LARGE1: variants seen among roughly 807,000 people sequenced by gnomAD.
LARGE1 encodes LARGE xylosyl- and glucuronyltransferase 1, also known as xylosyl- and glucuronyltransferase LARGE1.
LARGE1 carries 43 observed loss-of-function variants against 87.6 expected under a neutral mutation model. The ratio of observed to expected loss-of-function variants is 0.49; its 90% CI spans 0.38 to 0.63. The LOEUF is 0.63. Ranked by LOEUF, LARGE1 falls within the 30% of genes least tolerant of loss-of-function variation. The pLI is 0.00. For synonymous variants in LARGE1, 434 were observed against 394.6 expected (o/e 1.10, Z -1.18); for missense variants, 802 against 1,000.2 (o/e 0.80, Z 2.67).
chr22:33,441,202 T>C (rs769457730), intron 6 of LARGE1, among the ~76,000 whole-genome samples: 1 of 150,650 alleles, frequency 6.6e-6, no homozygotes, highest in South Asian at 2.1e-4. Context: ...GCCTCCCGAG[T>C]AGCTGGGATT....
chr22:33,851,532 T>C (rs942536529), intron 1 of LARGE1, among the ~76,000 whole-genome samples: 2 of 152,208 alleles, frequency 1.3e-5, no homozygotes, highest in African/African-American at 4.8e-5. Context: ...CAGTGATGCC[T>C]AGGACAAAGT....
At chr22:33,657,996 A>G (rs2149216271) in intron 2 of LARGE1, among the ~76,000 whole-genome samples, 1 of 152,130 alleles carries the variant, frequency 6.6e-6, no homozygotes, top group African/African-American at 2.4e-5. Context: ...TCCCAGCAAC[A>G]ATGGCAGAGG....
chr22:33,269,359 T>C (rs1238904030), downstream of LARGE1, among the ~76,000 whole-genome samples: 1 of 152,220 alleles, frequency 6.6e-6, no homozygotes, highest in Non-Finnish European at 1.5e-5. Context: ...GCATTATCTG[T>C]TTACTTTTCT....
the LARGE1 span, among the ~76,000 whole-genome samples, chr22:33,127,627 T>C: frequency 5.9e-5 from 9 of 152,148 alleles, no homozygotes; most frequent in Admixed American, 5.9e-4. Context: ...TAAACAAACT[T>C]AAAGTACAAC....
At chr22:33,208,611 T>C (rs182363381) in intron 11 of LARGE1, among the ~76,000 whole-genome samples, 1 of 152,004 alleles carries the variant, frequency 6.6e-6, no homozygotes, top group African/African-American at 2.4e-5. Flanking sequence ...CTGGGGTACA[T>C]GTGCAGAATG....
chr22:33,740,300 C>T (rs908450882), intron 2 of LARGE1, among the ~76,000 whole-genome samples: 1 of 152,200 alleles, frequency 6.6e-6, no homozygotes, highest in African/African-American at 2.4e-5. Flanking sequence ...CACCGGCATA[C>T]ATACTTCTAT....
At chr22:33,282,604 G>A (rs1036224560) in intron 13 of LARGE1, among the ~76,000 whole-genome samples, 2 of 152,122 alleles carry the variant, frequency 1.3e-5, no homozygotes. Context: ...AGGACTCGGG[G>A]GCCTGGGAAA....
intron 1 of LARGE1, among the ~76,000 whole-genome samples, chr22:33,775,315 T>C (rs1040175139): frequency 6.6e-6 from 1 of 152,222 alleles, no homozygotes; most frequent in Non-Finnish European, 1.5e-5. Context: ...CGACCTGACC[T>C]TTCCAGCTTC....
At chr22:33,631,286 G>T (rs2080104552) in intron 3 of LARGE1, among the ~76,000 whole-genome samples, 1 of 152,132 alleles carries the variant, frequency 6.6e-6, no homozygotes, top group Admixed American at 6.5e-5. Context: ...TCCCGTCTCA[G>T]CTTCCAGAGT....
At chr22:33,297,536 C>T (rs1382049695) in intron 12 of LARGE1, among the ~76,000 whole-genome samples, 1 of 150,738 alleles carries the variant, frequency 6.6e-6, no homozygotes, top group Non-Finnish European at 1.5e-5. Context: ...TTGCTTGAAC[C>T]TGAGGGGCAG....
chr22:33,472,778 A>T (rs762381248), intron 6 of LARGE1, among the ~76,000 whole-genome samples: 2 of 152,184 alleles, frequency 1.3e-5, no homozygotes, highest in Non-Finnish European at 2.9e-5. Flanking sequence ...CTACCATGTA[A>T]ATTGAGGGAA....
At chr22:33,505,578 C>A (rs968687318) in intron 6 of LARGE1, among the ~76,000 whole-genome samples, 1 of 152,076 alleles carries the variant, frequency 6.6e-6, no homozygotes, top group Non-Finnish European at 1.5e-5. Context: ...AAACCCAGAA[C>A]AAAGGGAGAA....
chr22:33,710,080 C>T (rs2082687612), intron 2 of LARGE1, among the ~76,000 whole-genome samples: 1 of 148,742 alleles, frequency 6.7e-6, no homozygotes, highest in African/African-American at 2.5e-5. Context: ...TGCCGTTCAA[C>T]AAATGTCTGT....
At chr22:33,827,968 C>T (rs1305317694) in intron 1 of LARGE1, among the ~76,000 whole-genome samples, 1 of 151,876 alleles carries the variant, frequency 6.6e-6, no homozygotes, top group Non-Finnish European at 1.5e-5. Flanking sequence ...CTATGGAAGA[C>T]TTAGCCCAGG....
intron 6 of LARGE1, among the ~76,000 whole-genome samples, chr22:33,541,074 GCGGGTTGCA>G (rs2077187871): frequency 3.3e-5 from 3 of 90,152 alleles, no homozygotes; most frequent in Admixed American, 1.2e-4. Flanking sequence ...GGGGCGGGGG[GCGGGTTGCA>G]GGGGGAGAAT....
intron 6 of LARGE1, among the ~76,000 whole-genome samples, chr22:33,443,039 T>G (rs12165949): frequency 0.047 from 7,209 of 152,090 alleles, 559 homozygotes; most frequent in African/African-American, 0.15. Context: ...TGATCCGCCC[T>G]CCTCGGCCTC....
At chr22:33,838,555 C>G (rs965394697) in intron 1 of LARGE1, among the ~76,000 whole-genome samples, 1 of 152,178 alleles carries the variant, frequency 6.6e-6, no homozygotes, top group African/African-American at 2.4e-5. Flanking sequence ...AGGAGGATCA[C>G]TTGAGCCCAA....
chr22:33,527,773 G>T (rs1410491345), intron 6 of LARGE1, among the ~76,000 whole-genome samples: 1 of 152,138 alleles, frequency 6.6e-6, no homozygotes, highest in African/African-American at 2.4e-5. Flanking sequence ...GGAAAGAAGG[G>T]AGGGGGAGAA....
chr22:33,448,064 G>C (rs1033065227), intron 6 of LARGE1, among the ~76,000 whole-genome samples: 7 of 151,942 alleles, frequency 4.6e-5, no homozygotes, highest in African/African-American at 1.7e-4. Flanking sequence ...CGGAGACAGA[G>C]AGCAGATTAG....
Sources: gnomAD v4.1 joint callset for allele counts (sites outside exome capture counted in the v4.1 genomes callset) on GRCh38, gnomAD v4.1.1 for gene constraint, MANE v1.5 for transcripts, NCBI Gene and HGNC (gene_info 2026-07-23, HGNC 2026-07-21) for gene names.